CNTN4: variants seen among roughly 807,000 people sequenced by gnomAD.
The protein encoded by CNTN4 is contactin 4.
CNTN4 carries 77 observed loss-of-function variants against 122.5 expected under a neutral mutation model. The observed-to-expected ratio is 0.63, with a 90% CI of 0.52 to 0.76. The LOEUF (loss-of-function observed/expected upper bound fraction) is 0.76. Ranked by LOEUF, CNTN4 falls within the 30% of genes least tolerant of loss-of-function variation. CNTN4 has a pLI of 0.00. For synonymous variants in CNTN4, 512 were observed against 447.0 expected (o/e 1.15, Z -1.83); for missense variants, 1,256 against 1,259.1 (o/e 1.00, Z 0.04).
chr3:2,808,123 A>G (rs1169357366), intron 6 of CNTN4, among the ~76,000 whole-genome samples: 1 of 152,180 alleles, frequency 6.6e-6, no homozygotes, highest in Non-Finnish European at 1.5e-5. Flanking sequence ...GTTTGAGATG[A>G]AGAGATTTCT....
chr3:2,763,224 C>T (rs755735194), intron 6 of CNTN4, among the ~76,000 whole-genome samples: 11 of 152,146 alleles, frequency 7.2e-5, no homozygotes, highest in African/African-American at 9.7e-5. Context: ...GGATTACAGG[C>T]GTAAGCCACC....
At chr3:2,143,668 C>T (rs1277067075) in intron 2 of CNTN4, among the ~76,000 whole-genome samples, 1 of 152,122 alleles carries the variant, frequency 6.6e-6, no homozygotes, top group African/African-American at 2.4e-5. Context: ...GCACCCTGTT[C>T]TTTATTTACA....
At chr3:2,208,923 C>T (rs2038484430) in intron 2 of CNTN4, among the ~76,000 whole-genome samples, 2 of 152,096 alleles carry the variant, frequency 1.3e-5, no homozygotes, top group Non-Finnish European at 2.9e-5. Flanking sequence ...AAACAATGCA[C>T]ACCAGATAGC....
Position 2,809,522 on chromosome 3 carries a change from C to T in CNTN4, c.359-9964C>T, listed in dbSNP as rs183962558. Among the ~76,000 whole-genome samples, 610 of 152,230 alleles carry T rather than the reference C, an allele frequency of 4.0e-3. 11 individuals are homozygous for T. The highest frequency in any genetic ancestry group is 3.0e-3 in the Non-Finnish European group (205 of 68,018). ...CCTTTGCAGAGCACAGTGAAGGGTC[C>T]ATATTTTATTCTGAAATTGACCAGG... On this transcript the variant is annotated intron_variant, in intron 6 of 24. Coordinates refer to ENST00000418658, the MANE Select transcript of CNTN4 (RefSeq NM_175607.3).
At chr3:2,168,131 T>C (rs2036283607) in intron 2 of CNTN4, among the ~76,000 whole-genome samples, 1 of 152,196 alleles carries the variant, frequency 6.6e-6, no homozygotes, top group Non-Finnish European at 1.5e-5. Context: ...GAGTAAGACC[T>C]TGCCTCCATG....
At position 2,286,220 on chromosome 3, in the gene CNTN4, TGTGC is replaced by T. The variant is rs1474737616; in HGVS notation, c.-144-52957_-144-52954del. ...TCGGATCTCCTGCCGTGTGTGTGTG[TGTGC>T]ATACACCCCCTGCCCCCCCCACAAC... On this transcript the variant is annotated intron_variant, in intron 2 of 24. Transcript: ENST00000418658. Among the ~76,000 whole-genome samples the T allele has an allele frequency of 5.6e-5, 6 of 108,016 alleles. 1 individual carries two copies. The East Asian group carries it at 1.5e-3, about 27-fold the overall frequency. The allele number at this position is 108,016 out of a possible 152,430, so 70.9% of individuals were successfully genotyped here. A position where few individuals can be genotyped will look rare whatever the true frequency, so the allele number is the denominator to read the frequency against.
chr3:2,705,857 G>A (rs189412790), intron 4 of CNTN4, among the ~76,000 whole-genome samples: 12,144 of 89,932 alleles, frequency 0.14, 875 homozygotes, highest in African/African-American at 0.29. Context: ...TATAATATAT[G>A]TGTTTATATA....
At chr3:3,001,817 ATCTT>A (rs1696077306) in intron 14 of CNTN4, among the ~76,000 whole-genome samples, 1 of 152,202 alleles carries the variant, frequency 6.6e-6, no homozygotes, top group Non-Finnish European at 1.5e-5. Context: ...AATGTTTCAA[ATCTT>A]TCTATTTATA....
intron 4 of CNTN4, among the ~76,000 whole-genome samples, chr3:2,607,300 G>C (rs2081296697): frequency 1.3e-5 from 2 of 152,066 alleles, no homozygotes. Context: ...ATATGCCCTA[G>C]AAAAGCAGGT....
chr3:2,889,851 C>T (rs1042372316), intron 10 of CNTN4, among the ~76,000 whole-genome samples: 9 of 152,152 alleles, frequency 5.9e-5, no homozygotes, highest in African/African-American at 2.2e-4. Context: ...GTTTCCTGCA[C>T]TGGAAATACA....
chr3:2,670,338 A>G (rs1261663442), intron 4 of CNTN4, among the ~76,000 whole-genome samples: 3 of 152,088 alleles, frequency 2.0e-5, no homozygotes, highest in Non-Finnish European at 4.4e-5. Flanking sequence ...TCCCTTTACC[A>G]TTATGTAATG....
chr3:3,034,856 AAGGAACGTCTAAGTTCTCATT>A, intron 17 of CNTN4, 66 bp downstream of exon 17: 2 of 1,535,934 alleles, frequency 1.3e-6, no homozygotes, highest in Non-Finnish European at 1.8e-6. Flanking sequence ...GCACTGTGGC[AAGGAACGTCTAAGTTCTCATT>A]CAGACACTAC....
chr3:2,766,551 G>A (rs949900586), intron 6 of CNTN4, among the ~76,000 whole-genome samples: 13 of 152,132 alleles, frequency 8.5e-5, no homozygotes, highest in African/African-American at 3.1e-4. Context: ...CTATGAGGAC[G>A]CAAAGGCATA....
chr3:3,045,471 C>T (rs1278080188), intron 23 of CNTN4, among the ~76,000 whole-genome samples: 1 of 152,202 alleles, frequency 6.6e-6, no homozygotes, highest in African/African-American at 2.4e-5. Context: ...TGCTGTTCAG[C>T]AATATTTGCT....
chr3:2,288,010 A>C (rs2042005556), intron 2 of CNTN4, among the ~76,000 whole-genome samples: 1 of 152,202 alleles, frequency 6.6e-6, no homozygotes, highest in African/African-American at 2.4e-5. Flanking sequence ...ATGATTTCAG[A>C]CACTGATGAC....
chr3:2,536,148 A>C (rs1182337080), intron 3 of CNTN4, among the ~76,000 whole-genome samples: 3 of 152,166 alleles, frequency 2.0e-5, no homozygotes, highest in Non-Finnish European at 4.4e-5. Flanking sequence ...AGGGTGAAAC[A>C]GTTCAGAACC....
chr3:2,512,666 A>G (rs2076922580), intron 3 of CNTN4, among the ~76,000 whole-genome samples: 1 of 152,180 alleles, frequency 6.6e-6, no homozygotes, highest in Admixed American at 6.5e-5. Context: ...TTGAATTTGA[A>G]TAAAAGTGGC....
intron 3 of CNTN4, among the ~76,000 whole-genome samples, chr3:2,520,900 C>T (rs2077188238): frequency 6.6e-6 from 1 of 152,012 alleles, no homozygotes; most frequent in Admixed American, 6.6e-5. Context: ...TAAATTCCTG[C>T]CATTTACCTC....
intron 3 of CNTN4, among the ~76,000 whole-genome samples, chr3:2,535,959 CTG>C (rs1033723844): frequency 2.0e-5 from 3 of 152,046 alleles, no homozygotes; most frequent in African/African-American, 7.2e-5. Context: ...TTTTTGAAGA[CTG>C]TTCTTCAAAG....
Sources: gnomAD v4.1 joint callset for allele counts (sites outside exome capture counted in the v4.1 genomes callset) on GRCh38, gnomAD v4.1.1 for gene constraint, MANE v1.5 for transcripts, NCBI Gene and HGNC (gene_info 2026-07-23, HGNC 2026-07-21) for gene names.